FOXA1: variants seen among roughly 807,000 people sequenced by gnomAD.
FOXA1 encodes the protein hepatocyte nuclear factor 3-alpha.
In FOXA1, 9 loss-of-function variants were observed where a neutral mutation model predicts 29.2. The observed-to-expected ratio is 0.31, with a 90% CI of 0.19 to 0.54. FOXA1 has a LOEUF of 0.54. FOXA1 is among the 20% of genes least tolerant of loss of function. FOXA1 has a pLI of 0.95. For missense variants in FOXA1, 644 were observed against 681.2 expected (o/e 0.95, Z 0.61); for synonymous variants, 340 against 300.9 (o/e 1.13, Z -1.34).
chr14:37,595,042 GC>G lies in FOXA1; in HGVS notation c.-71del, dbSNP rs1362449597. On this transcript the variant is annotated 5_prime_UTR_variant, in exon 1 of 2. Transcript: ENST00000250448. ...GCGACGGGCGGCCGCGCGGCGCGGG[GC>G]GGGGGAGGGGAGCTGAGCAGCTGCA... The G allele has an allele frequency of 4.7e-5, 67 of 1,436,232 alleles. No homozygotes were observed. The highest frequency in any genetic ancestry group is 6.0e-5 in the Non-Finnish European group (63 of 1,054,652). The allele number at this position is 1,436,232 out of a possible 1,614,324, so 89.0% of individuals were successfully genotyped here.
In FOXA1 at chr14:37,591,785, C is replaced by T. The variant is rs1367737391; in HGVS notation, c.999G>A (p.Gln333=). 2.7e-6 allele frequency: 4 copies of T among 1,478,836 alleles called. No individual in the cohort carries two copies. Among genetic ancestry groups the T allele is most frequent in the Non-Finnish European group, 3.6e-6 (4 of 1,118,366 alleles). 91.6% of individuals were successfully genotyped at this position (1,478,836 alleles called of 1,614,324 possible). The change falls in exon 2 of 2, where the codon CAG becomes CAA. Residue 333 remains glutamine, a synonymous_variant. Coordinates refer to ENST00000250448, the MANE Select transcript of FOXA1 (RefSeq NM_004496.5). ...CCGTCGCCCCACTGTGGTCCAGAGT[C>T]TGGGGGCTGGCGGCGGGCCCGGGGG... ...APAPGPAASP[Q]TLDHSGATAT... is the part of the protein sequence containing the mutation.
rs1418298223 is a variant in FOXA1 at position 37,591,143 on chromosome 14, G to A, written c.*222C>T. The A allele has an allele frequency of 6.2e-6, 4 of 644,034 alleles. No individual in the cohort carries two copies. The highest frequency in any genetic ancestry group is 1.8e-5 in the African/African-American group (1 of 54,752). The allele number at this position is 644,034 out of a possible 1,614,324, so 39.9% of individuals were successfully genotyped here. ...ACTTCGCAGGAAAAAAATTGGTTTGGGGTTGTCTTTGTAGTAATATACACA... is the reference window on the plus strand; with the variant it reads ...ACTTCGCAGGAAAAAAATTGGTTTGAGGTTGTCTTTGTAGTAATATACACA... On this transcript the variant is annotated 3_prime_UTR_variant, in exon 2 of 2. Coordinates refer to ENST00000250448, the MANE Select transcript of FOXA1 (RefSeq NM_004496.5).
At chr14:37,593,111 C>A (rs1196051959) in intron 1 of FOXA1, among the ~76,000 whole-genome samples, 6 of 152,198 alleles carry the variant, frequency 3.9e-5, no homozygotes, top group Non-Finnish European at 8.8e-5. Flanking sequence ...TAGAGCAAAT[C>A]ACCTATGGAC....
rs1192501635 is a variant in FOXA1, at chr14:37,590,165, T to C, written c.*1200A>G. 1 of 231,526 alleles carries C rather than the reference T, an allele frequency of 4.3e-6. No individual in the cohort carries two copies. Among genetic ancestry groups the C allele is most frequent in the African/African-American group, 2.2e-5 (1 of 45,232 alleles). 14.3% of individuals were successfully genotyped at this position (231,526 alleles called of 1,614,324 possible). On this transcript the variant is annotated 3_prime_UTR_variant, in exon 2 of 2. Transcript: ENST00000250448. ...CCATCATTTAAAGCAATTTCAGCTG[T>C]AAAGAAAAAGAATAAACCATGCAAT...
In FOXA1 at chr14:37,591,557, C is replaced by G. The variant is rs1474068866; in HGVS notation, c.1227G>C (p.Ser409=). ...TGAAGTCCAGCTTATGCTGCTGCTC[C>G]GAGGAGGACATGAGGTTGTTGATGG... ...PFSINNLMSS[S]EQQHKLDFKA... is the part of the protein sequence containing the mutation. Residue 409 remains serine, a synonymous_variant, in exon 2 of 2, where the codon TCG becomes TCC. Transcript: ENST00000250448. The G allele has an allele frequency of 2.5e-6, 4 of 1,614,080 alleles. No individual in the cohort carries two copies. Among genetic ancestry groups the G allele is most frequent in the Non-Finnish European group, 3.4e-6 (4 of 1,180,042 alleles).
intron 1 of FOXA1, chr14:37,594,109 A>AT: frequency 7.8e-7 from 1 of 1,281,220 alleles, no homozygotes; most frequent in Non-Finnish European, 1.0e-6. Context: ...TCTTCCCAAG[A>AT]TTATCCAAGG....
chr14:37,591,428 G>C lies in FOXA1; in HGVS notation c.1356C>G (p.Pro452=). 6.2e-7 allele frequency: 1 copy of C among 1,614,160 alleles called. No individual in the cohort carries two copies. The highest frequency in any genetic ancestry group is 8.5e-7 in the Non-Finnish European group (1 of 1,180,040). The part of the protein sequence containing the change: ...ASVTTRSPIE[P]SALEPAYYQG... The stretch of plus-strand genomic sequence containing the variant: ...GGTAGTACGCCGGCTCCAGGGCTGA[G>C]GGCTCGATGGGGCTCCTGGTGGTCA... The change falls in exon 2 of 2, where the codon CCC becomes CCG. Residue 452 remains proline (P), a synonymous_variant. Coordinates refer to ENST00000250448, the MANE Select transcript of FOXA1 (RefSeq NM_004496.5).
intron 1 of FOXA1, 33 bp downstream of exon 1, chr14:37,594,868 C>A: frequency 1.3e-6 from 2 of 1,540,366 alleles, no homozygotes; most frequent in South Asian, 2.3e-5. Context: ...CCAGCGGCGC[C>A]CCACCGGCCG....
intron 1 of FOXA1, among the ~76,000 whole-genome samples, chr14:37,593,490 A>G (rs114830193): frequency 1.2e-3 from 180 of 151,796 alleles, no homozygotes; most frequent in African/African-American, 4.2e-3. Context: ...GTCAAAATAA[A>G]TCTTTTTTTT....
chr14:37,594,724 G>C (rs2095600274), intron 1 of FOXA1, 177 bp downstream of exon 1: 1 of 289,318 alleles, frequency 3.5e-6, no homozygotes, highest in South Asian at 1.5e-4. Context: ...AGCAGGTCCC[G>C]CTTCCAGGCC....
rs745876197 is a variant in FOXA1, at chr14:37,592,105, A to T, written c.679T>A (p.Cys227Ser). 6.2e-7 allele frequency: 1 copy of T among 1,612,566 alleles called. No individual in the cohort carries two copies. The highest frequency in any genetic ancestry group is 8.5e-7 in the Non-Finnish European group (1 of 1,179,310). ...SIRHSLSFNDCFVKVARSPDK... is the reference protein window; with the variant it reads ...SIRHSLSFNDSFVKVARSPDK... ...GGGGAGCGTGCCACCTTGACGAAGCAGTCATTGAAGGACAGCGAGTGGCGG... is the reference window on the plus strand; with the variant it reads ...GGGGAGCGTGCCACCTTGACGAAGCTGTCATTGAAGGACAGCGAGTGGCGG... The change falls in exon 2 of 2, where the codon TGC becomes AGC. Residue 227 changes from cysteine (C) to serine (S), a missense_variant. Physicochemically the swap from Cys to Ser is moderately radical, Grantham distance 112 (BLOSUM62 -1). Around this residue, in one of 5 missense-constraint regions of FOXA1, gnomAD observed 12 missense variants for 32.1 expected, o/e 0.37. Coordinates refer to ENST00000250448, the MANE Select transcript of FOXA1 (RefSeq NM_004496.5).
intron 1 of FOXA1, among the ~76,000 whole-genome samples, chr14:37,593,633 C>G (rs935471914): frequency 6.6e-6 from 1 of 151,976 alleles, no homozygotes; most frequent in African/African-American, 2.4e-5. Flanking sequence ...TTTCCTAATT[C>G]TCAGCTTTAA....
rs751891516 is a variant in FOXA1, at chr14:37,591,584, G to A, written c.1200C>T (p.Phe400=). Residue 400 remains phenylalanine, a synonymous_variant, in exon 2 of 2, where the codon TTC becomes TTT. Coordinates refer to ENST00000250448, the MANE Select transcript of FOXA1 (RefSeq NM_004496.5). ...GDPHYSFNHP[F]SINNLMSSSE... ...AGGAGGACATGAGGTTGTTGATGGA[G>A]AACGGGTGGTTGAAGGAGTAGTGGG... The A allele has an allele frequency of 1.7e-5, 28 of 1,613,954 alleles. No homozygotes were observed. The highest frequency in any genetic ancestry group is 2.7e-5 in the African/African-American group (2 of 74,942).
rs2095596510 is a variant in FOXA1 at position 37,592,228 on chromosome 14, C to A, written c.556G>T (p.Ala186Ser). ...CTCAGCGTGAGCATCTTGCTGGGCG[C>A]CTGCTGGATGGCCATGGTGATGAGC... Reference protein sequence around the residue: ...ISLITMAIQQAPSKMLTLSEI... With the variant: ...ISLITMAIQQSPSKMLTLSEI... Residue 186 changes from alanine to serine, a missense_variant, in exon 2 of 2, where the codon GCG becomes TCG. Ala to Ser is a moderately conservative substitution (Grantham distance 99). Coordinates refer to ENST00000250448, the MANE Select transcript of FOXA1 (RefSeq NM_004496.5). The A allele has an allele frequency of 6.2e-7, 1 of 1,613,850 alleles. No individual in the cohort carries two copies. Among genetic ancestry groups the A allele is most frequent in the Non-Finnish European group, 8.5e-7 (1 of 1,179,866 alleles).
rs2095595144 is a variant in FOXA1 at position 37,591,262 on chromosome 14, A to G, written c.*103T>C. 1.5e-6 allele frequency: 2 copies of G among 1,364,982 alleles called. No individual in the cohort carries two copies. The highest frequency in any genetic ancestry group is 1.2e-5 in the South Asian group (1 of 84,004). 84.6% of individuals were successfully genotyped at this position (1,364,982 alleles called of 1,614,324 possible). Reference sequence around the variant, plus strand: ...AAATAAAAATAGTTGTTGGGATTTTATTATGCTGTTGACGGTTTGGTTTGT... The same window carrying G: ...AAATAAAAATAGTTGTTGGGATTTTGTTATGCTGTTGACGGTTTGGTTTGT... On this transcript the variant is annotated 3_prime_UTR_variant, in exon 2 of 2. Transcript: ENST00000250448.
In FOXA1 at chr14:37,589,588, T is replaced by G. The variant is rs1257928689; in HGVS notation, c.*1777A>C. ...TTAATTCTATCAGCCACAGCTGATA[T>G]TTTATTTTCATTGGAAGAATTCTCA... is the stretch of plus-strand genomic sequence containing the variant. On this transcript the variant is annotated 3_prime_UTR_variant, in exon 2 of 2. Coordinates refer to ENST00000250448, the MANE Select transcript of FOXA1 (RefSeq NM_004496.5). 6.6e-6 allele frequency among the ~76,000 whole-genome samples: 1 copy of G among 152,152 alleles called. No individual in the cohort carries two copies. The highest frequency in any genetic ancestry group is 2.4e-5 in the African/African-American group (1 of 41,410).
rs747954935 is a variant in FOXA1 at position 37,592,471 on chromosome 14, C to T, written c.313G>A (p.Gly105Ser). The T allele has an allele frequency of 8.7e-6, 14 of 1,606,954 alleles. 1 individual carries two copies. In the Middle Eastern group the frequency reaches 1.0e-3, roughly 114 times the overall value. The part of the protein sequence containing the change: ...SMTAAGVTAM[G>S]TALSPSGMGA... ...ATGCCGCTCGGGCTCAGCGCCGTAC[C>T]CATGGCCGTCACGCCGGCCGCAGTC... The change falls in exon 2 of 2, where the codon GGT (glycine) becomes AGT (serine). Residue 105 changes from glycine (G) to serine (S), a missense_variant. Coordinates refer to ENST00000250448, the MANE Select transcript of FOXA1 (RefSeq NM_004496.5).
In FOXA1 at chr14:37,591,869, G is replaced by C. The variant is rs2095595994; in HGVS notation, c.915C>G (p.Ala305=). 1 of 1,450,880 alleles carries C rather than the reference G, an allele frequency of 6.9e-7. No homozygotes were observed. The highest frequency in any genetic ancestry group is 1.5e-5 in the South Asian group (1 of 68,250). The allele number at this position is 1,450,880 out of a possible 1,614,324, so 89.9% of individuals were successfully genotyped here. The change falls in exon 2 of 2, where the codon GCC becomes GCG. Residue 305 remains alanine, a synonymous_variant. Coordinates refer to ENST00000250448, the MANE Select transcript of FOXA1 (RefSeq NM_004496.5). ...GCACACCCCGATGGAGGGGCGAGTCGGCGCTGGGGTTAGAGGCGCCAGAGG... is the reference window on the plus strand; with the variant it reads ...GCACACCCCGATGGAGGGGCGAGTCCGCGCTGGGGTTAGAGGCGCCAGAGG... ...KDPSGASNPS[A]DSPLHRGVHG...
chr14:37,594,267 C>T (rs1307357350), intron 1 of FOXA1: 2 of 1,241,296 alleles, frequency 1.6e-6, no homozygotes, highest in Non-Finnish European at 2.1e-6. Flanking sequence ...AAAAATAACC[C>T]CCATGAACGT....
Sources: allele counts gnomAD v4.1 joint callset (sites outside exome capture counted in the v4.1 genomes callset), GRCh38; gene constraint gnomAD v4.1.1; regional missense constraint gnomAD v4.1.1; transcripts MANE v1.5; gene names NCBI Gene and HGNC (gene_info 2026-07-23, HGNC 2026-07-21).